Variants in KCNIP4 observed in about 807,000 individuals in gnomAD.
KCNIP4 encodes the protein Kv channel-interacting protein 4.
A neutral mutation model predicts 34.0 loss-of-function variants in KCNIP4; 12 were observed. The ratio of observed to expected loss-of-function variants is 0.35; its 90% CI spans 0.23 to 0.57. KCNIP4 has a LOEUF of 0.57. Among genes scored for constraint, KCNIP4 ranks in the 20% least tolerant of loss-of-function variants. The pLI, the probability that KCNIP4 is intolerant of heterozygous loss-of-function variation, is 0.83. For synonymous variants in KCNIP4, 124 were observed against 102.2 expected, an observed-to-expected ratio of 1.21 and a Z score of -1.29; for missense variants, 238 against 311.7, an observed-to-expected ratio of 0.76 and a Z score of 1.78.
At chr4:21,087,481 T>C (rs1746576002) in intron 1 of KCNIP4, among the ~76,000 whole-genome samples, 1 of 151,844 alleles carries the variant, frequency 6.6e-6, no homozygotes, top group Non-Finnish European at 1.5e-5. Flanking sequence ...AGACATGGGG[T>C]TTCATCATGT....
chr4:21,865,543 T>C (rs894175854), intron 1 of KCNIP4, among the ~76,000 whole-genome samples: 3 of 152,098 alleles, frequency 2.0e-5, no homozygotes, highest in African/African-American at 7.2e-5. Context: ...TTTATTTTAT[T>C]TATTTGTTTA....
Position 21,178,976 on chromosome 4 carries a change from C to A in KCNIP4, c.62-296267G>T, listed in dbSNP as rs942704410. Among the ~76,000 whole-genome samples, 10 of 151,994 alleles carry A rather than the reference C, an allele frequency of 6.6e-5. 1 individual carries two copies. Among genetic ancestry groups the A allele is most frequent in the Admixed American group, 5.9e-4 (9 of 15,264 alleles). On this transcript the variant is annotated intron_variant, in intron 1 of 8. Transcript: ENST00000382152. ...GGGACCACAGGTTGCACCACCATGC[C>A]CAGCTAATTTTTGTGTTTTTAGCAG...
intron 1 of KCNIP4, among the ~76,000 whole-genome samples, chr4:21,571,282 C>T (rs747751112): frequency 6.6e-5 from 10 of 152,122 alleles, no homozygotes; most frequent in Non-Finnish European, 1.2e-4. Flanking sequence ...CAGGAGTGGA[C>T]ACAAAGAAGT....
intron 1 of KCNIP4, among the ~76,000 whole-genome samples, chr4:21,471,931 C>A (rs964876622): frequency 4.1e-4 from 62 of 152,104 alleles, no homozygotes; most frequent in African/African-American, 1.4e-3. Flanking sequence ...AAATATTCTT[C>A]TTTCTTTTTA....
intron 1 of KCNIP4, among the ~76,000 whole-genome samples, chr4:21,734,250 T>C (rs1715822126): frequency 6.6e-6 from 1 of 152,206 alleles, no homozygotes; most frequent in South Asian, 2.1e-4. Flanking sequence ...ACTCTTATTC[T>C]TCGGTGGAAC....
At position 21,342,786 on chromosome 4, in the gene KCNIP4, CT is replaced by C. The variant is rs201959879; in HGVS notation, c.62-460078del. Among the ~76,000 whole-genome samples the C allele has an allele frequency of 2.6e-3, 399 of 151,650 alleles. 1 individual carries two copies. The highest frequency in any genetic ancestry group is 9.0e-3 in the African/African-American group (374 of 41,382). ...AAATCCTGCCACTTACGTATATGCA[CT>C]TTTTTTTTCCTCTCTGTGAAATGTC... On this transcript the variant is annotated intron_variant, in intron 1 of 8. Coordinates refer to ENST00000382152, the MANE Select transcript of KCNIP4 (RefSeq NM_025221.6).
At chr4:21,448,095 G>A (rs775369878) in intron 1 of KCNIP4, among the ~76,000 whole-genome samples, 2 of 152,118 alleles carry the variant, frequency 1.3e-5, no homozygotes, top group Admixed American at 6.6e-5. Context: ...GCCTAAAAAT[G>A]AGGAAGTAGC....
At chr4:21,265,101 A>G (rs1218375205) in intron 1 of KCNIP4, among the ~76,000 whole-genome samples, 1 of 135,862 alleles carries the variant, frequency 7.4e-6, no homozygotes, top group African/African-American at 2.9e-5. Context: ...TCTGCCTCAA[A>G]TAATAATAAT....
At chr4:20,927,568 G>A (rs138122944) in intron 1 of KCNIP4, among the ~76,000 whole-genome samples, 195 of 152,194 alleles carry the variant, frequency 1.3e-3, no homozygotes, top group African/African-American at 4.0e-3. Flanking sequence ...TTGATCAAAA[G>A]TAAAAAGATA....
intron 1 of KCNIP4, among the ~76,000 whole-genome samples, chr4:21,925,472 C>G (rs1165968715): frequency 6.6e-6 from 1 of 152,070 alleles, no homozygotes; most frequent in East Asian, 1.9e-4. Flanking sequence ...TTTTCTTAAT[C>G]CAGTCTATCG....
At chr4:21,138,112 T>A (rs1174158119) in intron 1 of KCNIP4, among the ~76,000 whole-genome samples, 1 of 152,132 alleles carries the variant, frequency 6.6e-6, no homozygotes, top group Admixed American at 6.5e-5. Context: ...CCTCAAGTGA[T>A]CTGCCCGACT....
chr4:21,098,128 A>G (rs888597829), intron 1 of KCNIP4, among the ~76,000 whole-genome samples: 3 of 152,316 alleles, frequency 2.0e-5, no homozygotes, highest in African/African-American at 4.8e-5. Flanking sequence ...CTTCACTTCT[A>G]TGAAGGCTAA....
intron 3 of KCNIP4, among the ~76,000 whole-genome samples, chr4:20,784,198 A>G (rs1480141607): frequency 6.6e-6 from 1 of 152,228 alleles, no homozygotes; most frequent in Non-Finnish European, 1.5e-5. Flanking sequence ...CAAATAACTG[A>G]TAATTAATCC....
At chr4:21,411,130 T>G (rs934569507) in intron 1 of KCNIP4, among the ~76,000 whole-genome samples, 1 of 152,308 alleles carries the variant, frequency 6.6e-6, no homozygotes, top group Admixed American at 6.5e-5. Flanking sequence ...AGAAAAATTT[T>G]TAGGTGCTTA....
chr4:21,850,606 CT>C (rs1186400891), intron 1 of KCNIP4: 1 of 152,082 alleles, frequency 6.6e-6, no homozygotes, highest in Non-Finnish European at 1.5e-5. Context: ...AATTCCTTTT[CT>C]TTATAAACTG....
intron 1 of KCNIP4, among the ~76,000 whole-genome samples, chr4:21,692,102 C>T (rs9291429): frequency 0.68 from 103,223 of 152,062 alleles, 36,588 homozygotes; most frequent in African/African-American, 0.87. Context: ...GAGTTTACCA[C>T]GTCTAAGACT....
At chr4:21,520,117 C>A (rs1333042618) in intron 1 of KCNIP4, among the ~76,000 whole-genome samples, 1 of 151,948 alleles carries the variant, frequency 6.6e-6, no homozygotes, top group East Asian at 1.9e-4. Context: ...ATATTCTAGC[C>A]AAGCTGGCAA....
chr4:21,086,779 TTCTCTCTGTTGGTTAAAA>T, intron 1 of KCNIP4, among the ~76,000 whole-genome samples: 1 of 152,210 alleles, frequency 6.6e-6, no homozygotes, highest in East Asian at 1.9e-4. Context: ...TTCAAGTTCT[TTCTCTCTGTTGGTTAAAA>T]TCTCTCTAAA....
chr4:21,248,380 T>C (rs1254787517), intron 1 of KCNIP4, among the ~76,000 whole-genome samples: 1 of 152,076 alleles, frequency 6.6e-6, no homozygotes, highest in African/African-American at 2.4e-5. Context: ...ATAAAGATCG[T>C]CTTTAAAATT....
Sources: allele counts gnomAD v4.1 joint callset (sites outside exome capture counted in the v4.1 genomes callset), GRCh38; gene constraint gnomAD v4.1.1; transcripts MANE v1.5; gene names NCBI Gene and HGNC (gene_info 2026-07-23, HGNC 2026-07-21).